GJB7: variants seen among roughly 807,000 people sequenced by gnomAD.
GJB7 encodes the protein gap junction protein beta 7.
For missense variants in GJB7, 253 were observed against 256.8 expected (o/e 0.99, Z 0.10); for synonymous variants, 87 against 95.2 (o/e 0.91, Z 0.50).
chr6:87,302,625 C>T (rs1776351119), intron 2 of GJB7, among the ~76,000 whole-genome samples: 1 of 152,188 alleles, frequency 6.6e-6, no homozygotes. Context: ...TGCAGGAGAA[C>T]TTCCCCAACC....
At chr6:87,296,558 G>C (rs1180151224) in intron 2 of GJB7, among the ~76,000 whole-genome samples, 1 of 152,172 alleles carries the variant, frequency 6.6e-6, no homozygotes, top group Non-Finnish European at 1.5e-5. Context: ...TGGCAATAAT[G>C]TGAAGGTATT....
At chr6:87,316,824 A>G (rs976641316) in intron 2 of GJB7, among the ~76,000 whole-genome samples, 1 of 152,050 alleles carries the variant, frequency 6.6e-6, no homozygotes, top group African/African-American at 2.4e-5. Context: ...TTTATTATCC[A>G]TTCTTTAGCA....
chr6:87,306,393 A>T (rs1275281601), intron 2 of GJB7, among the ~76,000 whole-genome samples: 1 of 152,260 alleles, frequency 6.6e-6, no homozygotes, highest in African/African-American at 2.4e-5. Context: ...TCAGAAGAAG[A>T]CATTTATGCA....
intron 2 of GJB7, among the ~76,000 whole-genome samples, chr6:87,301,116 G>A (rs1479895375): frequency 3.3e-5 from 5 of 152,134 alleles, no homozygotes; most frequent in East Asian, 3.9e-4. Flanking sequence ...CAGAGAAGAC[G>A]GGTGATTTCT....
intron 1 of GJB7, among the ~76,000 whole-genome samples, chr6:87,323,903 G>A (rs1017953046): frequency 3.9e-5 from 6 of 152,094 alleles, no homozygotes; most frequent in Non-Finnish European, 7.4e-5. Context: ...GTGTAAAAGT[G>A]TTCCTGTTTC....
intron 2 of GJB7, among the ~76,000 whole-genome samples, chr6:87,293,318 C>T (rs968816653): frequency 3.9e-5 from 6 of 152,180 alleles, no homozygotes; most frequent in African/African-American, 9.7e-5. Flanking sequence ...CATGAGCCAC[C>T]GCACCCAGCC....
chr6:87,311,015 C>T (rs1037561025), intron 2 of GJB7, among the ~76,000 whole-genome samples: 3 of 152,110 alleles, frequency 2.0e-5, no homozygotes, highest in African/African-American at 7.2e-5. Flanking sequence ...GTAAGTCTAT[C>T]TTTATTTCCA....
At chr6:87,306,250 A>T (rs1237419818) in intron 2 of GJB7, among the ~76,000 whole-genome samples, 3 of 152,148 alleles carry the variant, frequency 2.0e-5, no homozygotes, top group Non-Finnish European at 4.4e-5. Context: ...AACCTACAAA[A>T]TGGGAGAAAA....
At chr6:87,310,513 G>A (rs1360676175) in intron 2 of GJB7, among the ~76,000 whole-genome samples, 1 of 152,068 alleles carries the variant, frequency 6.6e-6, no homozygotes, top group African/African-American at 2.4e-5. Flanking sequence ...AGTGTGGGAG[G>A]GGGGTGAGGG....
chr6:87,327,898 G>A (rs1195187717), intron 1 of GJB7, among the ~76,000 whole-genome samples: 19 of 149,266 alleles, frequency 1.3e-4, no homozygotes, highest in African/African-American at 4.5e-4. Flanking sequence ...ACACCAATCA[G>A]ACGTAGATTT....
Position 87,284,033 on chromosome 6 carries a change from A to G in GJB7, c.*208T>C. 2 of 542,310 alleles carry G rather than the reference A, an allele frequency of 3.7e-6. No homozygotes were observed. Among genetic ancestry groups the G allele is most frequent in the Non-Finnish European group, 6.6e-6 (2 of 304,218 alleles). The allele number at this position is 542,310 out of a possible 1,614,324, so 33.6% of individuals were successfully genotyped here. A position where few individuals can be genotyped will look rare whatever the true frequency, so the allele number is the denominator to read the frequency against. On this transcript the variant is annotated 3_prime_UTR_variant, in exon 3 of 3. Transcript: ENST00000525899. ...GACAATGTAAAAAAATTCCTCCCAAATGATACTAAGGCTGATGTGCTTTGT... is the reference window on the plus strand; with the variant it reads ...GACAATGTAAAAAAATTCCTCCCAAGTGATACTAAGGCTGATGTGCTTTGT...
intron 2 of GJB7, among the ~76,000 whole-genome samples, chr6:87,301,397 CAG>C (rs1776322693): frequency 6.6e-6 from 1 of 152,194 alleles, no homozygotes; most frequent in Non-Finnish European, 1.5e-5. Context: ...GCACATGGCT[CAG>C]AGAGTCCCAC....
intron 2 of GJB7, among the ~76,000 whole-genome samples, chr6:87,297,416 CA>C (rs1776263079): frequency 6.6e-6 from 1 of 152,252 alleles, no homozygotes; most frequent in East Asian, 1.9e-4. Context: ...TATATCAAGG[CA>C]GATTTTAGTC....
At chr6:87,314,243 C>T (rs990139692) in intron 2 of GJB7, among the ~76,000 whole-genome samples, 6 of 152,132 alleles carry the variant, frequency 3.9e-5, no homozygotes, top group Non-Finnish European at 5.9e-5. Context: ...TTGCTTCTCC[C>T]TGGAAACTTT....
At chr6:87,287,487 A>G (rs1776081321) in intron 2 of GJB7, among the ~76,000 whole-genome samples, 1 of 152,228 alleles carries the variant, frequency 6.6e-6, no homozygotes, top group African/African-American at 2.4e-5. Flanking sequence ...AGGGAAAACA[A>G]AGCTACATGT....
At chr6:87,326,284 TTGG>T (rs1473574295) in intron 1 of GJB7, among the ~76,000 whole-genome samples, 1 of 152,252 alleles carries the variant, frequency 6.6e-6, no homozygotes, top group African/African-American at 2.4e-5. Flanking sequence ...TGCTCTGATT[TTGG>T]TTATTTCTTG....
chr6:87,288,792 A>C (rs1209268679), intron 2 of GJB7, among the ~76,000 whole-genome samples: 1 of 152,164 alleles, frequency 6.6e-6, no homozygotes, highest in East Asian at 1.9e-4. Flanking sequence ...TTTGAAATAC[A>C]TACCAAAACT....
intron 2 of GJB7, among the ~76,000 whole-genome samples, chr6:87,296,860 T>C (rs963580232): frequency 6.6e-6 from 1 of 152,206 alleles, no homozygotes; most frequent in Non-Finnish European, 1.5e-5. Flanking sequence ...TCTATGATTA[T>C]TTCAGAGCCG....
chr6:87,328,614 G>A (rs1310997682), intron 1 of GJB7, among the ~76,000 whole-genome samples: 1 of 152,204 alleles, frequency 6.6e-6, no homozygotes, highest in Non-Finnish European at 1.5e-5. Flanking sequence ...CCTGTTCTCA[G>A]ATCTCCAGCT....
Sources: allele counts gnomAD v4.1 joint callset (sites outside exome capture counted in the v4.1 genomes callset), GRCh38; gene constraint gnomAD v4.1.1; transcripts MANE v1.5; gene names NCBI Gene and HGNC (gene_info 2026-07-23, HGNC 2026-07-21).